The following ACTR3C variants were observed in gnomAD, a reference collection of about 807,000 sequenced individuals.
ACTR3C encodes actin related protein 3C.
Under a neutral mutation model 26.3 loss-of-function variants are expected in ACTR3C, and 18 were observed. The ratio of observed to expected loss-of-function variants is 0.68; its 90% confidence interval spans 0.47 to 1.01. The LOEUF is 1.01. ACTR3C is among the 50% of genes least tolerant of loss of function. ACTR3C has a pLI of 0.00. For missense variants in ACTR3C, 184 were observed against 250.7 expected, an observed-to-expected ratio of 0.73 and a Z score of 1.80; for synonymous variants, 55 against 94.5, an observed-to-expected ratio of 0.58 and a Z score of 2.42.
chr7:149,895,770 CTA>C, the ACTR3C span, among the ~76,000 whole-genome samples: 5 of 152,168 alleles, frequency 3.3e-5, no homozygotes, highest in Non-Finnish European at 1.5e-5. Context: ...CTGCAATGAG[CTA>C]TGATAGCCCC....
the ACTR3C span, chr7:149,909,751 C>T: frequency 6.8e-5 from 24 of 354,656 alleles, no homozygotes; most frequent in Non-Finnish European, 1.1e-4. Flanking sequence ...ATAATACTCT[C>T]GTCTATATTG....
chr7:150,278,877 A>G (rs551836864), intron 6 of ACTR3C, among the ~76,000 whole-genome samples: 2 of 152,324 alleles, frequency 1.3e-5, no homozygotes, highest in Admixed American at 1.3e-4. Context: ...ATCTGTTCAC[A>G]TATTATACTT....
At chr7:150,013,781 G>T in the ACTR3C span, among the ~76,000 whole-genome samples, 1 of 152,228 alleles carries the variant, frequency 6.6e-6, no homozygotes, top group Non-Finnish European at 1.5e-5. Context: ...GTGGCTTAGG[G>T]TATTAAAAAA....
the ACTR3C span, among the ~76,000 whole-genome samples, chr7:149,987,684 C>A: frequency 2.0e-4 from 29 of 146,614 alleles, no homozygotes; most frequent in African/African-American, 7.2e-4. Flanking sequence ...TTCTCCATAT[C>A]TATTTTAAAA....
chr7:150,258,045 G>T (rs1833349268), intron 6 of ACTR3C, among the ~76,000 whole-genome samples: 1 of 152,342 alleles, frequency 6.6e-6, no homozygotes, highest in Non-Finnish European at 1.5e-5. Context: ...TGAGGAGATG[G>T]TTAATAGAGT....
the ACTR3C span, among the ~76,000 whole-genome samples, chr7:149,898,516 C>T: frequency 1.3e-5 from 2 of 152,028 alleles, no homozygotes; most frequent in Non-Finnish European, 2.9e-5. Context: ...CCATCCTGGC[C>T]AACATGATGA....
chr7:150,035,521 T>G, the ACTR3C span, among the ~76,000 whole-genome samples: 1 of 118,636 alleles, frequency 8.4e-6, no homozygotes, highest in African/African-American at 3.5e-5. Flanking sequence ...GTCCCCACTC[T>G]CGTGGGGGGT....
the ACTR3C span, among the ~76,000 whole-genome samples, chr7:149,896,206 AAC>A: frequency 6.6e-6 from 1 of 152,264 alleles, no homozygotes; most frequent in Non-Finnish European, 1.5e-5. Context: ...ACAAAGAAAA[AAC>A]AGTTTCTGAT....
intron 1 of ACTR3C, 106 bp from the exon 2 acceptor site, chr7:150,295,453 A>T: frequency 8.5e-7 from 1 of 1,175,900 alleles, no homozygotes; most frequent in Non-Finnish European, 1.2e-6. Flanking sequence ...GACATTATAC[A>T]ATTCCCTAAT....
At chr7:150,018,716 C>T in the ACTR3C span, among the ~76,000 whole-genome samples, 2 of 150,310 alleles carry the variant, frequency 1.3e-5, no homozygotes, top group African/African-American at 5.0e-5. Flanking sequence ...ATTTCCTTCA[C>T]TAAGTGCTTT....
At chr7:149,976,589 A>AAG in the ACTR3C span, among the ~76,000 whole-genome samples, 1,605 of 150,084 alleles carry the variant, frequency 0.011, 33 homozygotes, top group African/African-American at 0.037. Context: ...AAAAAAAAAA[A>AAG]AGAGAGAGAG....
the ACTR3C span, chr7:150,047,962 G>A: frequency 8.5e-7 from 1 of 1,178,850 alleles, no homozygotes. Context: ...CGGTGGGGAG[G>A]CAGCAGCAGC....
the ACTR3C span, among the ~76,000 whole-genome samples, chr7:150,221,500 T>G: frequency 1.3e-5 from 2 of 152,348 alleles, no homozygotes; most frequent in Middle Eastern, 3.4e-3. Flanking sequence ...CCATATTATT[T>G]GACAAAATGT....
chr7:150,254,312 A>C (rs1563148956), intron 6 of ACTR3C, among the ~76,000 whole-genome samples: 2 of 152,244 alleles, frequency 1.3e-5, no homozygotes, highest in African/African-American at 4.8e-5. Flanking sequence ...AGAAAGGTAG[A>C]CACATGGCAG....
chr7:150,264,496 G>A lies in ACTR3C; in HGVS notation c.565-15442C>T, dbSNP rs1335164600. 3 of 613,526 alleles carry A rather than the reference G, an allele frequency of 4.9e-6. No homozygotes were observed. The African/African-American group carries it at 6.2e-5, about 13-fold the overall frequency. The allele number at this position is 613,526 out of a possible 1,614,324, so 38.0% of individuals were successfully genotyped here. A position where few individuals can be genotyped will look rare whatever the true frequency, so the allele number is the denominator to read the frequency against. On this transcript the variant is annotated intron_variant, in intron 6 of 7. Coordinates refer to ENST00000683684, the MANE Select transcript of ACTR3C (RefSeq NM_001164458.2). ...AGTACGCAGCAAATGAGAAGAATGT[G>A]GAACAGGAGAGACAGAAAAAGGGCA... is the stretch of plus-strand genomic sequence containing the variant.
At chr7:150,015,432 T>A in the ACTR3C span, among the ~76,000 whole-genome samples, 1 of 152,176 alleles carries the variant, frequency 6.6e-6, no homozygotes, top group Admixed American at 6.5e-5. Context: ...AACATCCATT[T>A]TCCATCACAT....
the ACTR3C span, among the ~76,000 whole-genome samples, chr7:150,102,945 T>C: frequency 6.6e-6 from 1 of 152,140 alleles, no homozygotes; most frequent in Non-Finnish European, 1.5e-5. Flanking sequence ...AGGAGCTTTT[T>C]GTTGTTGGAT....
chr7:150,294,982 C>T (rs1160899206), intron 2 of ACTR3C, among the ~76,000 whole-genome samples: 1 of 152,048 alleles, frequency 6.6e-6, no homozygotes, highest in Non-Finnish European at 1.5e-5. Context: ...ACATCTACAC[C>T]TATATCTTGT....
chr7:150,320,071 TG>T (rs1313440832), intron 1 of ACTR3C, among the ~76,000 whole-genome samples: 2 of 152,224 alleles, frequency 1.3e-5, no homozygotes, highest in African/African-American at 4.8e-5. Flanking sequence ...GGATTAACGC[TG>T]GAAAGGGACC....
Sources: gnomAD v4.1 joint callset for allele counts (sites outside exome capture counted in the v4.1 genomes callset) on GRCh38, gnomAD v4.1.1 for gene constraint, MANE v1.5 for transcripts, NCBI Gene and HGNC (gene_info 2026-07-23, HGNC 2026-07-21) for gene names.